Variants in ERP44 observed in about 807,000 individuals in gnomAD.
The protein encoded by ERP44 is endoplasmic reticulum protein 44, also known as endoplasmic reticulum resident protein 44.
Under a neutral mutation model 53.4 loss-of-function variants are expected in ERP44, and 25 were observed. That is an observed-to-expected ratio of 0.47 (90% CI 0.34 to 0.65). The LOEUF (loss-of-function observed/expected upper bound fraction) is 0.65, where lower values mean the gene tolerates loss of function less well. Ranked by LOEUF, ERP44 falls within the 30% of genes least tolerant of loss-of-function variation. ERP44 has a pLI of 0.01. For missense variants in ERP44, 338 were observed against 493.2 expected, an observed-to-expected ratio of 0.69 and a Z score of 2.98; for synonymous variants, 145 against 161.2, an observed-to-expected ratio of 0.90 and a Z score of 0.76.
chr9:100,077,372 G>A (rs887924270), intron 1 of ERP44, among the ~76,000 whole-genome samples: 7 of 152,168 alleles, frequency 4.6e-5, no homozygotes, highest in African/African-American at 9.7e-5. Flanking sequence ...CGATGGAATC[G>A]CCTTTTGAAG....
At chr9:100,004,816 G>T (rs1217822740) in intron 10 of ERP44, among the ~76,000 whole-genome samples, 1 of 152,108 alleles carries the variant, frequency 6.6e-6, no homozygotes, top group Non-Finnish European at 1.5e-5. Context: ...ATGTTTCTGT[G>T]TGGAGACGAA....
At chr9:99,988,499 G>T (rs1384608078) in intron 10 of ERP44, among the ~76,000 whole-genome samples, 2 of 152,166 alleles carry the variant, frequency 1.3e-5, no homozygotes, top group Non-Finnish European at 2.9e-5. Flanking sequence ...CTCTTGAAAA[G>T]ACTATTCTTT....
At chr9:99,994,617 G>A (rs141208649) in intron 10 of ERP44, among the ~76,000 whole-genome samples, 2,101 of 152,112 alleles carry the variant, frequency 0.014, 38 homozygotes, top group African/African-American at 0.049. Context: ...AAACCTGCAC[G>A]TTGTGCACAT....
intron 5 of ERP44, among the ~76,000 whole-genome samples, chr9:100,021,544 G>A (rs1018332001): frequency 2.6e-5 from 4 of 152,214 alleles, no homozygotes; most frequent in Non-Finnish European, 1.5e-5. Context: ...ATTGGTGATT[G>A]TGATAAAGCC....
At chr9:99,992,611 C>T (rs1266672477) in intron 10 of ERP44, among the ~76,000 whole-genome samples, 1 of 152,172 alleles carries the variant, frequency 6.6e-6, no homozygotes, top group African/African-American at 2.4e-5. Flanking sequence ...TGGCACAAGA[C>T]AGGGATGCCC....
chr9:100,056,410 G>A (rs1205108176), intron 3 of ERP44, among the ~76,000 whole-genome samples: 1 of 152,158 alleles, frequency 6.6e-6, no homozygotes, highest in African/African-American at 2.4e-5. Context: ...TAGACATTAT[G>A]TACTTATCAG....
intron 4 of ERP44, among the ~76,000 whole-genome samples, chr9:100,023,942 G>T (rs1830624180): frequency 1.3e-5 from 2 of 152,086 alleles, no homozygotes; most frequent in South Asian, 4.1e-4. Context: ...ATCACTTGAG[G>T]TCAGGAGTTT....
intron 4 of ERP44, among the ~76,000 whole-genome samples, chr9:100,027,917 CA>C (rs1302969948): frequency 6.6e-6 from 1 of 152,018 alleles, no homozygotes; most frequent in African/African-American, 2.4e-5. Context: ...AAAAAAACCC[CA>C]AAAAGACAAA....
chr9:100,057,682 G>T, intron 3 of ERP44, 138 bp downstream of exon 3: 1 of 660,920 alleles, frequency 1.5e-6, no homozygotes, highest in South Asian at 1.8e-5. Flanking sequence ...TACTTCCCTT[G>T]TGGATGAAAC....
intron 1 of ERP44, among the ~76,000 whole-genome samples, chr9:100,096,830 G>T (rs907744088): frequency 6.6e-6 from 1 of 152,114 alleles, no homozygotes; most frequent in African/African-American, 2.4e-5. Context: ...GAACAAAGAG[G>T]ACAAATTATT....
At chr9:100,052,656 T>G (rs1587975489) in intron 3 of ERP44, 124 bp from the exon 4 acceptor site, 1 of 514,046 alleles carries the variant, frequency 1.9e-6, no homozygotes, top group African/African-American at 2.0e-5. Flanking sequence ...ATCACACACT[T>G]AATTTAATCA....
At chr9:100,020,245 C>A (rs111749199) in intron 6 of ERP44, among the ~76,000 whole-genome samples, 37 of 152,190 alleles carry the variant, frequency 2.4e-4, no homozygotes, top group African/African-American at 8.4e-4. Flanking sequence ...TGAATGAAGA[C>A]GATAAAACTC....
At chr9:100,070,686 C>G (rs1490338984) in intron 1 of ERP44, among the ~76,000 whole-genome samples, 1 of 152,160 alleles carries the variant, frequency 6.6e-6, no homozygotes, top group African/African-American at 2.4e-5. Flanking sequence ...TAACAACAAC[C>G]AATTTGAACA....
rs56066117 is a variant in ERP44 at position 100,043,258 on chromosome 9, CAAAAAAAAAAAAA to C, written c.286+9146_286+9158del. ...TGGGCAACAGAGCGAGACTCTGTCT[CAAAAAAAAAAAAA>C]AAAAAAAAAAAAAAAAAAAAGATAA... On this transcript the variant is annotated intron_variant, in intron 4 of 11. Coordinates refer to ENST00000262455, the MANE Select transcript of ERP44 (RefSeq NM_015051.3). Among the ~76,000 whole-genome samples, 17 of 20,268 alleles carry C rather than the reference CAAAAAAAAAAAAA, an allele frequency of 8.4e-4. 1 individual carries two copies. Among genetic ancestry groups the C allele is most frequent in the South Asian group, 9.8e-3 (2 of 204 alleles). 13.3% of individuals were successfully genotyped at this position (20,268 alleles called of 152,430 possible). A position where few individuals can be genotyped will look rare whatever the true frequency, so the allele number is the denominator to read the frequency against.
intron 8 of ERP44, among the ~76,000 whole-genome samples, chr9:100,014,587 C>T (rs2118643577): frequency 6.6e-6 from 1 of 152,308 alleles, no homozygotes; most frequent in Middle Eastern, 3.4e-3. Flanking sequence ...TGGCACAAGG[C>T]CCTGGTCTTT....
intron 4 of ERP44, among the ~76,000 whole-genome samples, chr9:100,051,502 G>A (rs1826036768): frequency 6.6e-6 from 1 of 152,090 alleles, no homozygotes. Flanking sequence ...ATAGCTTTTC[G>A]TGAGCAGTCT....
chr9:100,034,935 C>A (rs190891623), intron 4 of ERP44, among the ~76,000 whole-genome samples: 2 of 152,226 alleles, frequency 1.3e-5, no homozygotes, highest in East Asian at 3.9e-4. Flanking sequence ...CTTACAACCA[C>A]CTGATCTTCT....
chr9:100,052,593 C>T lies in ERP44; in HGVS notation c.171-61G>A, dbSNP rs1352678264. The T allele has an allele frequency of 5.0e-6, 4 of 802,400 alleles. No homozygotes were observed. The Admixed American group carries it at 6.6e-5, about 13-fold the overall frequency. 49.7% of individuals were successfully genotyped at this position (802,400 alleles called of 1,614,324 possible). On this transcript the variant is annotated intron_variant, in intron 3 of 11. Coordinates refer to ENST00000262455, the MANE Select transcript of ERP44 (RefSeq NM_015051.3). The stretch of plus-strand genomic sequence containing the variant: ...AGCAGAAGTAATAAAATCTTATTTC[C>T]GTTATTGCCCACTGACATTTGATAT...
intron 11 of ERP44, among the ~76,000 whole-genome samples, chr9:99,983,504 C>A (rs1439701143): frequency 6.8e-6 from 1 of 146,700 alleles, no homozygotes; most frequent in African/African-American, 2.6e-5. Context: ...GAGATTGCGC[C>A]ACTGCAGTCC....
Sources: gnomAD v4.1 joint callset for allele counts (sites outside exome capture counted in the v4.1 genomes callset) on GRCh38, gnomAD v4.1.1 for gene constraint, MANE v1.5 for transcripts, NCBI Gene and HGNC (gene_info 2026-07-23, HGNC 2026-07-21) for gene names.